SLC24A2: variants seen among roughly 807,000 people sequenced by gnomAD.
SLC24A2 encodes solute carrier family 24 member 2.
SLC24A2 carries 36 observed loss-of-function variants against 62.0 expected under a neutral mutation model. That is an observed-to-expected ratio of 0.58 (90% CI 0.44 to 0.77). The LOEUF (loss-of-function observed/expected upper bound fraction) is 0.77. Among genes scored for constraint, SLC24A2 ranks in the 30% least tolerant of loss-of-function variants. SLC24A2 has a pLI of 0.00. For synonymous variants in SLC24A2, 358 were observed against 294.0 expected (o/e 1.22, Z -2.23); for missense variants, 846 against 817.9 (o/e 1.03, Z -0.42).
the SLC24A2 span, among the ~76,000 whole-genome samples, chr9:20,266,064 G>A: frequency 9.2e-5 from 14 of 152,276 alleles, 1 homozygote; most frequent in South Asian, 6.2e-4. Flanking sequence ...ATGCGTGCCC[G>A]AAACTTCATT....
the SLC24A2 span, among the ~76,000 whole-genome samples, chr9:19,963,288 C>A: frequency 2.7e-4 from 41 of 149,302 alleles, no homozygotes; most frequent in African/African-American, 9.4e-4. Flanking sequence ...TAGGCAATAC[C>A]ATTCAGGACA....
the SLC24A2 span, among the ~76,000 whole-genome samples, chr9:19,820,451 T>A: frequency 1.7e-4 from 25 of 150,154 alleles, no homozygotes; most frequent in East Asian, 3.9e-4. Flanking sequence ...ATAATAAATT[T>A]AAAAAAAAAT....
chr9:19,876,859 T>C, the SLC24A2 span, among the ~76,000 whole-genome samples: 77 of 152,220 alleles, frequency 5.1e-4, no homozygotes, highest in Non-Finnish European at 8.5e-4. Flanking sequence ...ATTTTTGAAA[T>C]CTTGATCTAA....
intron 9 of SLC24A2, among the ~76,000 whole-genome samples, chr9:19,524,702 A>G (rs557240810): frequency 2.0e-5 from 3 of 152,330 alleles, no homozygotes; most frequent in Non-Finnish European, 2.9e-5. Context: ...TCTTCCATCA[A>G]TGAAAAGTAA....
the SLC24A2 span, among the ~76,000 whole-genome samples, chr9:20,148,238 A>G: frequency 6.6e-6 from 1 of 152,130 alleles, no homozygotes; most frequent in Non-Finnish European, 1.5e-5. Flanking sequence ...GGAAATCTAC[A>G]CACAATATTT....
chr9:19,777,309 T>C (rs1343789393), intron 2 of SLC24A2, among the ~76,000 whole-genome samples: 2 of 152,194 alleles, frequency 1.3e-5, no homozygotes, highest in Non-Finnish European at 2.9e-5. Flanking sequence ...TTAATTAAAA[T>C]GCTACGTTTC....
chr9:20,179,874 G>A, the SLC24A2 span, among the ~76,000 whole-genome samples: 1 of 152,066 alleles, frequency 6.6e-6, no homozygotes, highest in African/African-American at 2.4e-5. Context: ...TTATTGAACA[G>A]AACTGCACAA....
intron 2 of SLC24A2, among the ~76,000 whole-genome samples, chr9:19,681,141 C>T (rs1220633270): frequency 6.6e-6 from 1 of 152,092 alleles, no homozygotes. Context: ...AGATCTACAA[C>T]TACCTGCTTC....
the SLC24A2 span, among the ~76,000 whole-genome samples, chr9:20,213,674 T>C: frequency 1.3e-5 from 2 of 152,322 alleles, no homozygotes; most frequent in Non-Finnish European, 2.9e-5. Context: ...TTTGTGTTAA[T>C]ATAATAATAA....
chr9:20,270,974 A>G, the SLC24A2 span, among the ~76,000 whole-genome samples: 63 of 152,156 alleles, frequency 4.1e-4, no homozygotes, highest in South Asian at 2.5e-3. Context: ...CCTCCTTTTT[A>G]AAAGGACCAT....
At chr9:20,039,172 G>A in the SLC24A2 span, among the ~76,000 whole-genome samples, 1 of 152,182 alleles carries the variant, frequency 6.6e-6, no homozygotes. Context: ...GGCTGGCCCT[G>A]AGTTTTAGCC....
chr9:20,115,226 A>C, the SLC24A2 span, among the ~76,000 whole-genome samples: 1 of 152,156 alleles, frequency 6.6e-6, no homozygotes. Context: ...TGTCTCAGGT[A>C]ATGTCCCTCA....
chr9:20,000,046 A>G, the SLC24A2 span, among the ~76,000 whole-genome samples: 1 of 152,202 alleles, frequency 6.6e-6, no homozygotes, highest in South Asian at 2.1e-4. Context: ...GGGGTTACAC[A>G]GACCTGTGCT....
At position 19,718,192 on chromosome 9, in the gene SLC24A2, G is replaced by C. The variant is rs1026571259; in HGVS notation, c.930+67745C>G. Reference sequence around the variant, plus strand: ...GGATTTCTCCCTGTTGGTAAGGCTGGTGTCGAACTGCTGACCTTGTGATCT... The same window carrying C: ...GGATTTCTCCCTGTTGGTAAGGCTGCTGTCGAACTGCTGACCTTGTGATCT... On this transcript the variant is annotated intron_variant, in intron 2 of 10. Transcript: ENST00000341998. Among the ~76,000 whole-genome samples the C allele has an allele frequency of 6.0e-5, 9 of 151,104 alleles. 1 individual carries two copies. The South Asian group carries it at 6.3e-4, about 11-fold the overall frequency.
chr9:20,238,428 T>C, the SLC24A2 span, among the ~76,000 whole-genome samples: 2 of 152,208 alleles, frequency 1.3e-5, no homozygotes, highest in Non-Finnish European at 2.9e-5. Flanking sequence ...AGTAGCTTGT[T>C]CTAGCACCCA....
chr9:20,036,864 A>G, the SLC24A2 span, among the ~76,000 whole-genome samples: 19 of 151,214 alleles, frequency 1.3e-4, no homozygotes, highest in Non-Finnish European at 2.5e-4. Context: ...GTGTATATAC[A>G]TATGTATATA....
At chr9:19,752,243 A>G (rs1455221949) in intron 2 of SLC24A2, among the ~76,000 whole-genome samples, 2 of 152,138 alleles carry the variant, frequency 1.3e-5, no homozygotes, top group African/African-American at 2.4e-5. Flanking sequence ...TTTTCTTGGT[A>G]GATAGAAATA....
intron 2 of SLC24A2, among the ~76,000 whole-genome samples, chr9:19,745,327 T>C (rs1457142326): frequency 6.6e-6 from 1 of 152,154 alleles, no homozygotes; most frequent in Non-Finnish European, 1.5e-5. Flanking sequence ...GGGTATTCCT[T>C]CATGCAATGC....
At chr9:20,202,510 G>T in the SLC24A2 span, among the ~76,000 whole-genome samples, 1 of 152,218 alleles carries the variant, frequency 6.6e-6, no homozygotes, top group Non-Finnish European at 1.5e-5. Context: ...GGAAAAAGCA[G>T]TTATGGCGGG....
Sources: gnomAD v4.1 joint callset for allele counts (sites outside exome capture counted in the v4.1 genomes callset) on GRCh38, gnomAD v4.1.1 for gene constraint, MANE v1.5 for transcripts, NCBI Gene and HGNC (gene_info 2026-07-23, HGNC 2026-07-21) for gene names.